Variants in FGD5 observed in about 807,000 individuals in gnomAD.
FGD5 encodes the protein FYVE, RhoGEF and PH domain containing 5, also known as FYVE, RhoGEF and PH domain-containing protein 5.
FGD5 carries 28 observed loss-of-function variants against 133.4 expected under a neutral mutation model. The ratio of observed to expected loss-of-function variants is 0.21; its 90% CI spans 0.16 to 0.29. The LOEUF (loss-of-function observed/expected upper bound fraction) is 0.29, where lower values mean the gene tolerates loss of function less well. Among genes scored for constraint, FGD5 ranks in the 10% least tolerant of loss-of-function variants. FGD5 has a pLI of 1.00. For missense variants in FGD5, 1,858 were observed against 1,895.2 expected (o/e 0.98, Z 0.36); for synonymous variants, 810 against 776.5 (o/e 1.04, Z -0.72).
intron 1 of FGD5, among the ~76,000 whole-genome samples, chr3:14,822,728 C>T (rs982355715): frequency 1.3e-5 from 2 of 152,138 alleles, no homozygotes; most frequent in African/African-American, 4.8e-5. Context: ...TCTGAATTAA[C>T]GAGAAACAAA....
At chr3:14,900,055 A>G (rs901600013) in intron 7 of FGD5, among the ~76,000 whole-genome samples, 2 of 152,180 alleles carry the variant, frequency 1.3e-5, no homozygotes, top group Admixed American at 6.5e-5. Context: ...AATGCACTAC[A>G]GGTTCCACAC....
Position 14,819,903 on chromosome 3 carries a change from G to C in FGD5, c.832G>C (p.Gly278Arg). 1 of 1,613,908 alleles carries C rather than the reference G, an allele frequency of 6.2e-7. No homozygotes were observed. Among genetic ancestry groups the C allele is most frequent in the South Asian group, 1.1e-5 (1 of 91,070 alleles). ...ATDCPEVLEE[G>R]CEEATGVTGG... The stretch of plus-strand genomic sequence containing the variant: ...AGACTGCCCTGAAGTTCTTGAGGAG[G>C]GATGTGAAGAGGCCACGGGTGTCAC... Residue 278 changes from glycine (G) to arginine (R), a missense_variant, in exon 1 of 20, where the codon GGA (glycine) becomes CGA (arginine). This residue lies in a region of FGD5 where 1,824 missense variants were observed against 1,848.9 expected (regional missense o/e 0.99). Transcript: ENST00000285046. This position sits in a 1 kb window ranked among gnomAD's most constrained non-coding sequence, Gnocchi z 4.1.
intron 4 of FGD5, among the ~76,000 whole-genome samples, chr3:14,884,189 T>C (rs1276771275): frequency 6.6e-6 from 1 of 152,124 alleles, no homozygotes; most frequent in Non-Finnish European, 1.5e-5. Flanking sequence ...CCTGGACACC[T>C]TCTATCCTCT....
intron 4 of FGD5, among the ~76,000 whole-genome samples, chr3:14,895,666 C>T (rs933368629): frequency 1.3e-5 from 2 of 151,998 alleles, no homozygotes; most frequent in Non-Finnish European, 1.5e-5. Context: ...CTTGACTTCC[C>T]AAGCTCAAGT....
intron 1 of FGD5, among the ~76,000 whole-genome samples, chr3:14,855,690 A>C (rs376666580): frequency 3.3e-5 from 5 of 151,642 alleles, no homozygotes; most frequent in East Asian, 1.9e-4. Context: ...TCATTTACCC[A>C]TCTTTTTAAT....
At chr3:14,878,939 C>T (rs1427009476) in intron 2 of FGD5, among the ~76,000 whole-genome samples, 1 of 152,142 alleles carries the variant, frequency 6.6e-6, no homozygotes, top group Non-Finnish European at 1.5e-5. Context: ...GAACTCTTAA[C>T]CTCATGTTCC....
intron 4 of FGD5, among the ~76,000 whole-genome samples, chr3:14,893,956 C>G (rs957656882): frequency 1.3e-5 from 2 of 151,630 alleles, no homozygotes; most frequent in Admixed American, 1.3e-4. Context: ...CAGGGTTTCA[C>G]CATGTTGGTC....
chr3:14,874,321 C>A (rs1041324198), intron 2 of FGD5, among the ~76,000 whole-genome samples: 2 of 151,940 alleles, frequency 1.3e-5, no homozygotes, highest in Non-Finnish European at 2.9e-5. Flanking sequence ...GAGTTGGAGA[C>A]CAGCCTGGGC....
Position 14,917,114 on chromosome 3 carries a change from T to C in FGD5, c.3406-135T>C, listed in dbSNP as rs957051788. On this transcript the variant is annotated intron_variant, in intron 11 of 19. Transcript: ENST00000285046. The surrounding 1 kb of genome is among the most constrained non-coding windows in gnomAD (Gnocchi z 4.1). ...AGGGGCTCACATTTTGGCCGCAACG[T>C]TTTTGCTCACCTGTGGGGGTTACTG... 1 of 667,236 alleles carries C rather than the reference T, an allele frequency of 1.5e-6. No homozygotes were observed. The highest frequency in any genetic ancestry group is 3.4e-5 in the Admixed American group (1 of 29,716). 41.3% of individuals were successfully genotyped at this position (667,236 alleles called of 1,614,324 possible). A position where few individuals can be genotyped will look rare whatever the true frequency, so the allele number is the denominator to read the frequency against.
chr3:14,918,361 T>C (rs558037276), intron 12 of FGD5, among the ~76,000 whole-genome samples: 3 of 152,256 alleles, frequency 2.0e-5, no homozygotes, highest in African/African-American at 7.2e-5. Context: ...CTCTTTACCA[T>C]GGGGAAGGGG....
chr3:14,864,339 C>T (rs1489684150), intron 2 of FGD5, 79 bp downstream of exon 2: 21 of 1,598,926 alleles, frequency 1.3e-5, no homozygotes, highest in Non-Finnish European at 8.6e-7. Context: ...TGCTCCTTCC[C>T]TTGGTGCGGA....
intron 18 of FGD5, chr3:14,931,537 C>T (rs1299268313): frequency 6.6e-6 from 1 of 152,172 alleles, no homozygotes; most frequent in East Asian, 1.9e-4. Context: ...TTCCTCCCAC[C>T]ACCATTCTAA....
At chr3:14,868,691 C>A (rs1353331477) in intron 2 of FGD5, among the ~76,000 whole-genome samples, 1 of 152,258 alleles carries the variant, frequency 6.6e-6, no homozygotes, top group Non-Finnish European at 1.5e-5. Context: ...CAATACTCAT[C>A]TCCTAGTGAA....
At chr3:14,930,549 A>G (rs991274533) in intron 18 of FGD5, among the ~76,000 whole-genome samples, 4 of 151,806 alleles carry the variant, frequency 2.6e-5, no homozygotes, top group African/African-American at 9.7e-5. Context: ...GTGAGCCGAG[A>G]TCACACCACT....
upstream of FGD5, among the ~76,000 whole-genome samples, chr3:14,816,660 C>G (rs188073336): frequency 4.2e-3 from 633 of 152,308 alleles, 6 homozygotes; most frequent in Non-Finnish European, 4.1e-3. Context: ...TGAAGCATAT[C>G]TTTTTAAGCT....
Position 14,917,259 on chromosome 3 carries a change from T to C in FGD5, c.3416T>C (p.Val1139Ala). ...RPRHLFLMND[V>A]LLYTYPQKDG... ...TTTCCCTCTCTCCAGATGAACGATGTGCTCCTGTACACCTATCCCCAGAAG... is the reference window on the plus strand; with the variant it reads ...TTTCCCTCTCTCCAGATGAACGATGCGCTCCTGTACACCTATCCCCAGAAG... Residue 1139 changes from valine (V) to alanine (A), a missense_variant, in exon 12 of 20, where the codon GTG becomes GCG. Val to Ala is a moderately conservative substitution (Grantham distance 64). Transcript: ENST00000285046. The surrounding 1 kb of genome is among the most constrained non-coding windows in gnomAD (Gnocchi z 4.1). 1.9e-6 allele frequency: 3 copies of C among 1,613,542 alleles called. No homozygotes were observed. Among genetic ancestry groups the C allele is most frequent in the Non-Finnish European group, 2.5e-6 (3 of 1,179,722 alleles).
At chr3:14,895,664 C>T (rs1019460757) in intron 4 of FGD5, among the ~76,000 whole-genome samples, 1 of 152,052 alleles carries the variant, frequency 6.6e-6, no homozygotes, top group Non-Finnish European at 1.5e-5. Context: ...GGCTTGACTT[C>T]CCAAGCTCAA....
intron 9 of FGD5, among the ~76,000 whole-genome samples, chr3:14,901,980 T>C (rs995078496): frequency 6.6e-6 from 1 of 151,992 alleles, no homozygotes; most frequent in Non-Finnish European, 1.5e-5. Context: ...CCAGCCGAGG[T>C]TGCCAGAAGA....
At chr3:14,813,144 A>T (rs1377030188) in intron 1 of FGD5, among the ~76,000 whole-genome samples, 1 of 152,166 alleles carries the variant, frequency 6.6e-6, no homozygotes, top group African/African-American at 2.4e-5. Flanking sequence ...TTTATTAGGC[A>T]TCATGTCTGT....
Sources: allele counts gnomAD v4.1 joint callset (sites outside exome capture counted in the v4.1 genomes callset), GRCh38; gene constraint gnomAD v4.1.1; regional missense constraint gnomAD v4.1.1; non-coding constraint Gnocchi (gnomAD v3.1); transcripts MANE v1.5; gene names NCBI Gene and HGNC (gene_info 2026-07-23, HGNC 2026-07-21).